The following FAM3D variants were observed in gnomAD, a reference collection of about 807,000 sequenced individuals.
The protein encoded by FAM3D is FAM3 metabolism regulating signaling molecule D, also known as protein FAM3D.
FAM3D carries 26 observed loss-of-function variants against 29.8 expected under a neutral mutation model. The observed-to-expected ratio is 0.87, with a 90% CI of 0.64 to 1.21. The LOEUF (loss-of-function observed/expected upper bound fraction) is 1.21. FAM3D is among the 50% of genes most tolerant of loss of function. FAM3D has a pLI of 0.00. For missense variants in FAM3D, 253 were observed against 290.9 expected (o/e 0.87, Z 0.95); for synonymous variants, 115 against 102.3 (o/e 1.12, Z -0.75).
rs771752513 is a variant in FAM3D at position 58,637,190 on chromosome 3, G to A, written c.409C>T (p.Pro137Ser). 1 of 1,613,956 alleles carries A rather than the reference G, an allele frequency of 6.2e-7. No homozygotes were observed. The highest frequency in any genetic ancestry group is 1.7e-5 in the Admixed American group (1 of 59,974). Residue 137 changes from proline (P) to serine (S), a missense_variant, in exon 8 of 10, where the codon CCG becomes TCG. Coordinates refer to ENST00000358781, the MANE Select transcript of FAM3D (RefSeq NM_138805.3). The part of the protein sequence containing the change: ...MHLVKFLKEI[P>S]GGALVLVASY... Reference sequence around the variant, plus strand: ...GCCACCAGCACCAGTGCACCCCCCGGAATTTCTTTAAGGAATTTCACTAGG... The same window carrying A: ...GCCACCAGCACCAGTGCACCCCCCGAAATTTCTTTAAGGAATTTCACTAGG...
intron 3 of FAM3D, among the ~76,000 whole-genome samples, chr3:58,651,100 G>GTTCA (rs1364396470): frequency 6.6e-6 from 1 of 152,142 alleles, no homozygotes; most frequent in African/African-American, 2.4e-5. Context: ...ATTCCCTTTG[G>GTTCA]TGGTTTGGAA....
Position 58,645,614 on chromosome 3 carries a change from T to C in FAM3D, c.158A>G (p.Tyr53Cys). 6.2e-7 allele frequency: 1 copy of C among 1,614,156 alleles called. No homozygotes were observed. The highest frequency in any genetic ancestry group is 8.5e-7 in the Non-Finnish European group (1 of 1,180,010). ...SPTKEIQVKK[Y>C]KCGLIKPCPA... ...GCAGGGCTTGATGAGGCCACACTTG[T>C]ACTTTTTAACCTCTGGGGAGGAAAG... The change falls in exon 5 of 10, where the codon TAC becomes TGC. Residue 53 changes from tyrosine (Y) to cysteine (C), a missense_variant. Tyr to Cys is a radical substitution (Grantham distance 194). Coordinates refer to ENST00000358781, the MANE Select transcript of FAM3D (RefSeq NM_138805.3).
At chr3:58,640,232 C>T in intron 6 of FAM3D, 55 bp from the exon 7 acceptor site, 1 of 1,588,936 alleles carries the variant, frequency 6.3e-7, no homozygotes, top group Non-Finnish European at 8.6e-7. Context: ...TTCTGCCTGT[C>T]GTTCTGCTGA....
intron 1 of FAM3D, among the ~76,000 whole-genome samples, chr3:58,659,248 C>T (rs1487123452): frequency 6.6e-6 from 1 of 152,192 alleles, no homozygotes; most frequent in South Asian, 2.1e-4. Context: ...TAGTGCACCT[C>T]CAGGGCACGA....
intron 7 of FAM3D, among the ~76,000 whole-genome samples, chr3:58,638,595 AT>A (rs1240317774): frequency 1.3e-5 from 2 of 152,244 alleles, no homozygotes; most frequent in African/African-American, 2.4e-5. Context: ...ATAAAAAATG[AT>A]TAAGTATTTC....
In FAM3D at chr3:58,633,957, C is replaced by CTTATTCA; in HGVS notation, c.*321_*322insTGAATAA. The CTTATTCA allele has an allele frequency of 3.4e-6, 1 of 290,248 alleles. No homozygotes were observed. Among genetic ancestry groups the CTTATTCA allele is most frequent in the Non-Finnish European group, 6.4e-6 (1 of 155,402 alleles). The allele number at this position is 290,248 out of a possible 1,614,324, so 18.0% of individuals were successfully genotyped here. ...GGTCAGAAAGCTCATTCAAAACCAG[C>CTTATTCA]AAAAATAAAATTTAATTGGGCTCAA... On this transcript the variant is annotated 3_prime_UTR_variant, in exon 10 of 10. Transcript: ENST00000358781.
chr3:58,642,378 G>A (rs770705844), intron 6 of FAM3D, among the ~76,000 whole-genome samples: 4 of 152,168 alleles, frequency 2.6e-5, no homozygotes, highest in African/African-American at 4.8e-5. Context: ...CAAGGCCGGG[G>A]CTCCCATCCT....
chr3:58,634,365 A>G lies in FAM3D; in HGVS notation c.589T>C (p.Leu197=), dbSNP rs1053033955. ...LRGKSPFEQF[L]KNSPDTNKYE... ...TTGTTTGTGTCTGGGCTGTTCTTTA[A>G]GAACTAGAGAGAGAGAAGACAGAGA... The change falls in exon 10 of 10, where the codon TTA becomes CTA. Residue 197 remains leucine (L), a synonymous_variant. Coordinates refer to ENST00000358781, the MANE Select transcript of FAM3D (RefSeq NM_138805.3). The surrounding 1 kb of genome is among the most constrained non-coding windows in gnomAD (Gnocchi z 4.6). 1.9e-6 allele frequency: 3 copies of G among 1,613,584 alleles called. No homozygotes were observed. Among genetic ancestry groups the G allele is most frequent in the African/African-American group, 1.3e-5 (1 of 74,906 alleles).
intron 3 of FAM3D, among the ~76,000 whole-genome samples, chr3:58,649,566 T>TGC (rs1322458954): frequency 2.0e-5 from 3 of 151,086 alleles, no homozygotes; most frequent in African/African-American, 7.3e-5. Flanking sequence ...CATATACACA[T>TGC]GCACACACAC....
chr3:58,647,247 G>T (rs1453819634), intron 4 of FAM3D, among the ~76,000 whole-genome samples: 1 of 152,256 alleles, frequency 6.6e-6, no homozygotes, highest in Non-Finnish European at 1.5e-5. Flanking sequence ...AGGCATCCGT[G>T]AAGGGCTGTT....
At position 58,659,181 on chromosome 3, in the gene FAM3D, C is replaced by T. The variant is rs543324713; in HGVS notation, c.-38-3580G>A. Among the ~76,000 whole-genome samples the T allele has an allele frequency of 2.6e-5, 4 of 152,330 alleles. No homozygotes were observed. The East Asian group carries it at 7.7e-4, about 29-fold the overall frequency. ...GTCTGGAAGGGGTCCGCCGTCCTGG[C>T]AGGGTCCACTCATCTCTTCCCTGTT... On this transcript the variant is annotated intron_variant, in intron 1 of 9. Transcript: ENST00000358781.
intron 8 of FAM3D, 44 bp from the exon 9 acceptor site, chr3:58,636,464 G>T (rs569345444): frequency 1.9e-6 from 3 of 1,605,988 alleles, no homozygotes; most frequent in South Asian, 2.2e-5. Context: ...GGGGTGGGTC[G>T]CAGGGGCATC....
chr3:58,656,851 G>A (rs1282617850), intron 1 of FAM3D, among the ~76,000 whole-genome samples: 2 of 152,120 alleles, frequency 1.3e-5, no homozygotes, highest in African/African-American at 4.8e-5. Flanking sequence ...TCGCCTCCTT[G>A]GCCCTCCATA....
At chr3:58,653,270 G>C (rs986966605) in intron 3 of FAM3D, among the ~76,000 whole-genome samples, 2 of 152,088 alleles carry the variant, frequency 1.3e-5, no homozygotes, top group African/African-American at 4.8e-5. Flanking sequence ...GAGGGCAGGT[G>C]GGGGGGATCT....
chr3:58,640,073 A>G, intron 7 of FAM3D, 54 bp downstream of exon 7: 2 of 1,589,800 alleles, frequency 1.3e-6, no homozygotes, highest in Non-Finnish European at 8.6e-7. Context: ...GAAGAGGCTC[A>G]GCCCTCTGCA....
At chr3:58,655,195 G>A (rs2066757334) in intron 2 of FAM3D, among the ~76,000 whole-genome samples, 1 of 152,152 alleles carries the variant, frequency 6.6e-6, no homozygotes, top group African/African-American at 2.4e-5. Context: ...TACAGTATGA[G>A]GGTGTGGACT....
chr3:58,663,441 T>C lies in FAM3D; in HGVS notation c.-39+3135A>G, dbSNP rs115907111. On this transcript the variant is annotated intron_variant, in intron 1 of 9. Coordinates refer to ENST00000358781, the MANE Select transcript of FAM3D (RefSeq NM_138805.3). ...AGTCAGAATTATCTCTGGACTTTTC[T>C]GTTGTGTATGTCAATACCTGTCCTT... 4.3e-3 allele frequency among the ~76,000 whole-genome samples: 649 copies of C among 152,346 alleles called. 2 individuals are homozygous for C. Among genetic ancestry groups the C allele is most frequent in the African/African-American group, 0.015 (615 of 41,572 alleles).
intron 1 of FAM3D, among the ~76,000 whole-genome samples, chr3:58,662,644 A>G (rs1375159028): frequency 2.0e-5 from 3 of 152,170 alleles, no homozygotes; most frequent in Non-Finnish European, 2.9e-5. Flanking sequence ...CTTTGCTAAC[A>G]GTAGTGTAAT....
chr3:58,658,004 T>C (rs2066857415), intron 1 of FAM3D, among the ~76,000 whole-genome samples: 1 of 152,040 alleles, frequency 6.6e-6, no homozygotes, highest in South Asian at 2.1e-4. Flanking sequence ...GGGTGGTGTA[T>C]GTGCAAGTGG....
Sources: allele counts gnomAD v4.1 joint callset (sites outside exome capture counted in the v4.1 genomes callset), GRCh38; gene constraint gnomAD v4.1.1; non-coding constraint Gnocchi (gnomAD v3.1); transcripts MANE v1.5; gene names NCBI Gene and HGNC (gene_info 2026-07-23, HGNC 2026-07-21).